The following NRXN3 variants were observed in gnomAD, a reference collection of about 807,000 sequenced individuals.
NRXN3 encodes neurexin III.
NRXN3 carries 32 observed loss-of-function variants against 137.6 expected under a neutral mutation model. That is an observed-to-expected ratio of 0.23 (90% CI 0.18 to 0.31). The LOEUF (loss-of-function observed/expected upper bound fraction) is 0.31. NRXN3 is among the 10% of genes least tolerant of loss of function. The pLI is 1.00. For synonymous variants in NRXN3, 798 were observed against 784.5 expected (o/e 1.02, Z -0.29); for missense variants, 1,574 against 2,062.5 (o/e 0.76, Z 4.59).
intron 4 of NRXN3, among the ~76,000 whole-genome samples, chr14:78,532,824 C>G (rs572987299): frequency 6.6e-6 from 1 of 152,042 alleles, no homozygotes; most frequent in African/African-American, 2.4e-5. Flanking sequence ...TCCAATGAAT[C>G]ATGCCTAGGT....
At chr14:78,726,774 C>T (rs1287564206) in intron 8 of NRXN3, among the ~76,000 whole-genome samples, 3 of 151,952 alleles carry the variant, frequency 2.0e-5, no homozygotes, top group Non-Finnish European at 2.9e-5. Flanking sequence ...CCACCTCGGC[C>T]TCCCAACGTG....
intron 4 of NRXN3, among the ~76,000 whole-genome samples, chr14:78,533,053 A>T (rs1291489001): frequency 6.7e-6 from 1 of 148,898 alleles, no homozygotes; most frequent in Non-Finnish European, 1.5e-5. Context: ...TTACTATGCC[A>T]CTACATCAGT....
chr14:78,696,229 A>G (rs1295195294), intron 6 of NRXN3, among the ~76,000 whole-genome samples: 1 of 152,062 alleles, frequency 6.6e-6, no homozygotes, highest in East Asian at 1.9e-4. Context: ...TGCTAAGCCT[A>G]TAGGCTCTGA....
At chr14:79,804,377 A>G (rs1381792684) in intron 19 of NRXN3, among the ~76,000 whole-genome samples, 3 of 152,122 alleles carry the variant, frequency 2.0e-5, no homozygotes, top group Non-Finnish European at 4.4e-5. Context: ...CTTGTAATAG[A>G]TTCCCTGGGA....
intron 10 of NRXN3, among the ~76,000 whole-genome samples, chr14:78,866,408 A>G (rs946849920): frequency 6.6e-6 from 1 of 152,206 alleles, no homozygotes; most frequent in African/African-American, 2.4e-5. Context: ...CCTTGAGCTT[A>G]GGAATGATTA....
At chr14:79,663,307 T>C (rs1053536389) in intron 16 of NRXN3, among the ~76,000 whole-genome samples, 1 of 151,934 alleles carries the variant, frequency 6.6e-6, no homozygotes, top group Non-Finnish European at 1.5e-5. Flanking sequence ...CCCTCTGACA[T>C]TGGCTCCTAA....
intron 15 of NRXN3, among the ~76,000 whole-genome samples, chr14:79,407,256 C>T (rs1286282172): frequency 2.0e-5 from 3 of 152,006 alleles, no homozygotes; most frequent in Non-Finnish European, 4.4e-5. Flanking sequence ...TGTGTGTTTT[C>T]TTCTTACTGT....
At chr14:79,719,374 A>G (rs938563923) in intron 19 of NRXN3, among the ~76,000 whole-genome samples, 1 of 142,660 alleles carries the variant, frequency 7.0e-6, no homozygotes, top group Non-Finnish European at 1.5e-5. Context: ...GTGTATGTGT[A>G]TATATATGTG....
intron 4 of NRXN3, among the ~76,000 whole-genome samples, chr14:78,550,035 T>C (rs2096671785): frequency 6.7e-6 from 1 of 148,944 alleles, no homozygotes; most frequent in Admixed American, 6.7e-5. Context: ...GCAAACTTTT[T>C]TTTTTTTTTT....
At chr14:79,580,393 CTT>C (rs1449382912) in intron 16 of NRXN3, among the ~76,000 whole-genome samples, 1 of 150,164 alleles carries the variant, frequency 6.7e-6, no homozygotes, top group African/African-American at 2.4e-5. Context: ...TTTTCTGTCT[CTT>C]TAAACTCAGT....
intron 16 of NRXN3, among the ~76,000 whole-genome samples, chr14:79,542,955 CT>C (rs1485160947): frequency 6.6e-6 from 1 of 152,032 alleles, no homozygotes; most frequent in Admixed American, 6.5e-5. Context: ...CAAGAGAGGT[CT>C]CTTCCCTCCC....
chr14:78,356,596 A>G (rs1406208419), intron 4 of NRXN3, among the ~76,000 whole-genome samples: 1 of 152,174 alleles, frequency 6.6e-6, no homozygotes, highest in African/African-American at 2.4e-5. Flanking sequence ...CCCCGTTACC[A>G]GGGAAACCAT....
chr14:79,614,314 T>G (rs2153881926), intron 16 of NRXN3, among the ~76,000 whole-genome samples: 1 of 152,296 alleles, frequency 6.6e-6, no homozygotes, highest in South Asian at 2.1e-4. Context: ...CACTTATTTA[T>G]CAATGTAAAA....
At chr14:79,427,281 C>T (rs1253942026) in intron 15 of NRXN3, among the ~76,000 whole-genome samples, 2 of 152,130 alleles carry the variant, frequency 1.3e-5, no homozygotes, top group African/African-American at 2.4e-5. Flanking sequence ...TTTAGGTAGC[C>T]GTCTGAATGT....
At chr14:79,479,016 A>G (rs2096583744) in intron 16 of NRXN3, among the ~76,000 whole-genome samples, 1 of 152,156 alleles carries the variant, frequency 6.6e-6, no homozygotes. Flanking sequence ...TTTCCTAAAT[A>G]GAACAAATCC....
At chr14:79,358,643 A>AAGAAAGAAAGAAAGAAAGAAAGAAAG (rs2153411335) in intron 15 of NRXN3, among the ~76,000 whole-genome samples, 1 of 151,166 alleles carries the variant, frequency 6.6e-6, no homozygotes, top group East Asian at 2.0e-4. Flanking sequence ...GAAAGAAAGA[A>AAGAAAGAAAGAAAGAAAGAAAGAAAG]AGAAAGAAAG....
intron 4 of NRXN3, among the ~76,000 whole-genome samples, chr14:78,374,769 C>CAAA (rs3037807): frequency 8.7e-5 from 10 of 115,508 alleles, no homozygotes; most frequent in African/African-American, 3.4e-4. Flanking sequence ...ACTCCATCTC[C>CAAA]AAAAAAAAAA....
intron 15 of NRXN3, among the ~76,000 whole-genome samples, chr14:79,286,446 T>C (rs2082266294): frequency 6.6e-6 from 1 of 151,602 alleles, no homozygotes; most frequent in African/African-American, 2.4e-5. Flanking sequence ...CAATTTTATT[T>C]TTTGAAAGTT....
At chr14:79,824,074 C>G (rs1208401887) in intron 20 of NRXN3, among the ~76,000 whole-genome samples, 1 of 152,180 alleles carries the variant, frequency 6.6e-6, no homozygotes, top group Non-Finnish European at 1.5e-5. Context: ...TCCTTTAACC[C>G]CAGCTTCAGG....
Sources: allele counts gnomAD v4.1 joint callset (sites outside exome capture counted in the v4.1 genomes callset), GRCh38; gene constraint gnomAD v4.1.1; transcripts MANE v1.5; gene names NCBI Gene and HGNC (gene_info 2026-07-23, HGNC 2026-07-21).